Variants in MARCHF4 observed in about 807,000 individuals in gnomAD.
MARCHF4 encodes membrane associated ring-CH-type finger 4, also known as E3 ubiquitin-protein ligase MARCHF4.
In MARCHF4, 14 loss-of-function variants were observed where a neutral mutation model predicts 43.9. That is an observed-to-expected ratio of 0.32 (90% CI 0.21 to 0.50). The LOEUF (loss-of-function observed/expected upper bound fraction) is 0.50, where lower values mean the gene tolerates loss of function less well. MARCHF4 is among the 20% of genes least tolerant of loss of function. MARCHF4 has a pLI of 0.98. For missense variants in MARCHF4, 468 were observed against 536.7 expected (o/e 0.87, Z 1.27); for synonymous variants, 226 against 213.3 (o/e 1.06, Z -0.52).
intron 1 of MARCHF4, among the ~76,000 whole-genome samples, chr2:216,300,024 C>T (rs1469654223): frequency 1.3e-5 from 2 of 152,188 alleles, no homozygotes; most frequent in Non-Finnish European, 2.9e-5. Context: ...ATGTGGCTTA[C>T]TTCGGAGTCA....
rs529114485 is a variant in MARCHF4 at position 216,277,675 on chromosome 2, T to C, written c.862A>G (p.Ile288Val). The change falls in exon 3 of 4, where the codon ATA (isoleucine) becomes GTA (valine). Residue 288 changes from isoleucine to valine, a missense_variant. By Grantham distance (29) the Ile-to-Val change is conservative. Transcript: ENST00000273067. ...GGAGACAAACCCCCAGACCCACCTA[T>C]GCACACCACGTCCATGAAGCCATAC... ...GMYGFMDVVC[I>V]GLIIHEGPSV... The C allele has an allele frequency of 3.7e-6, 6 of 1,608,660 alleles. No individual in the cohort carries two copies. Among genetic ancestry groups the C allele is most frequent in the Non-Finnish European group, 5.1e-6 (6 of 1,175,886 alleles).
chr2:216,324,786 A>C (rs1574477743), intron 1 of MARCHF4, among the ~76,000 whole-genome samples: 1 of 114,852 alleles, frequency 8.7e-6, no homozygotes, highest in African/African-American at 4.0e-5. Context: ...AAAAACTCTC[A>C]ATAAATTAGG....
intron 1 of MARCHF4, among the ~76,000 whole-genome samples, chr2:216,355,361 AC>A (rs1056811243): frequency 4.0e-5 from 6 of 151,884 alleles, no homozygotes; most frequent in Admixed American, 2.6e-4. Flanking sequence ...ATCAGAATAA[AC>A]CCCCCATGTA....
chr2:216,296,210 G>A (rs1379598353), intron 1 of MARCHF4, among the ~76,000 whole-genome samples: 2 of 152,058 alleles, frequency 1.3e-5, no homozygotes, highest in East Asian at 1.9e-4. Context: ...CTCGAGCCTG[G>A]TGGCATGTGC....
chr2:216,269,243 TG>T (rs538476424), intron 3 of MARCHF4, among the ~76,000 whole-genome samples: 90 of 152,282 alleles, frequency 5.9e-4, no homozygotes, highest in Non-Finnish European at 1.1e-3. Context: ...GTTAAAAAAA[TG>T]TTTTTTTGGT....
Position 216,369,869 on chromosome 2 carries a change from A to T in MARCHF4, c.392T>A (p.Leu131His). Reference sequence around the variant, plus strand: ...GAAGTCATCTGAGGAGGCACTGCTGAGCAGCGAGGCAGGTGGCTCTGTGGC... The same window carrying T: ...GAAGTCATCTGAGGAGGCACTGCTGTGCAGCGAGGCAGGTGGCTCTGTGGC... Reference protein sequence around the residue: ...GPATEPPASLLSSASSDDFCK... With the variant: ...GPATEPPASLHSSASSDDFCK... Residue 131 changes from leucine (L) to histidine (H), a missense_variant, in exon 1 of 4, where the codon CTC (leucine) becomes CAC (histidine). Around this residue, in one of 3 missense-constraint regions of MARCHF4, gnomAD observed 158 missense variants for 251.1 expected, o/e 0.63. Transcript: ENST00000273067. The T allele has an allele frequency of 3.7e-6, 6 of 1,614,014 alleles. No homozygotes were observed. The highest frequency in any genetic ancestry group is 5.1e-6 in the Non-Finnish European group (6 of 1,180,028).
At chr2:216,279,016 A>T (rs1192904122) in intron 2 of MARCHF4, among the ~76,000 whole-genome samples, 1 of 152,214 alleles carries the variant, frequency 6.6e-6, no homozygotes, top group Non-Finnish European at 1.5e-5. Context: ...GAAAACAGAC[A>T]AGGTGCCTGC....
chr2:216,262,887 A>G (rs1320456249), intron 3 of MARCHF4, among the ~76,000 whole-genome samples: 1 of 152,264 alleles, frequency 6.6e-6, no homozygotes, highest in Non-Finnish European at 1.5e-5. Flanking sequence ...CTTTTATAAC[A>G]AAACAATATA....
intron 1 of MARCHF4, among the ~76,000 whole-genome samples, chr2:216,351,234 C>T (rs1250829152): frequency 6.6e-6 from 1 of 152,174 alleles, no homozygotes; most frequent in African/African-American, 2.4e-5. Flanking sequence ...CACTGCATGC[C>T]AGGCATCACC....
At chr2:216,318,930 A>T (rs1691831475) in intron 1 of MARCHF4, among the ~76,000 whole-genome samples, 1 of 152,180 alleles carries the variant, frequency 6.6e-6, no homozygotes, top group African/African-American at 2.4e-5. Flanking sequence ...AGGTAGGATT[A>T]TGGATTTTCT....
chr2:216,320,081 A>T (rs1019153161), intron 1 of MARCHF4, among the ~76,000 whole-genome samples: 1 of 152,174 alleles, frequency 6.6e-6, no homozygotes. Flanking sequence ...GTTAAAGGGA[A>T]AGTAAAAAAT....
intron 1 of MARCHF4, among the ~76,000 whole-genome samples, chr2:216,324,584 G>A (rs1254378132): frequency 4.0e-5 from 6 of 151,338 alleles, no homozygotes; most frequent in Admixed American, 2.6e-4. Flanking sequence ...CTGGCAAACC[G>A]AATCCAGCAG....
At chr2:216,318,148 G>A (rs1309580939) in intron 1 of MARCHF4, 7 of 152,222 alleles carry the variant, frequency 4.6e-5, no homozygotes, top group Non-Finnish European at 1.0e-4. Context: ...AGGTTCTGCA[G>A]GTTAGTGCCT....
rs185130456 is a variant in MARCHF4 at position 216,329,729 on chromosome 2, C to T, written c.516+40016G>A. Reference sequence around the variant, plus strand: ...GACTACTTCAATGAAAATACGAATACGGTCATGCTAGATAAAATATAAAAA... The same window carrying T: ...GACTACTTCAATGAAAATACGAATATGGTCATGCTAGATAAAATATAAAAA... On this transcript the variant is annotated intron_variant, in intron 1 of 3. Coordinates refer to ENST00000273067, the MANE Select transcript of MARCHF4 (RefSeq NM_020814.3). Among the ~76,000 whole-genome samples, 141 of 150,464 alleles carry T rather than the reference C, an allele frequency of 9.4e-4. 1 individual carries two copies. Among genetic ancestry groups the T allele is most frequent in the African/African-American group, 2.6e-3 (105 of 40,892 alleles).
At chr2:216,282,005 G>T (rs997907010) in intron 2 of MARCHF4, among the ~76,000 whole-genome samples, 1 of 152,170 alleles carries the variant, frequency 6.6e-6, no homozygotes, top group Non-Finnish European at 1.5e-5. Flanking sequence ...CATGAGTTTG[G>T]AATCTGATCC....
At chr2:216,269,060 T>C (rs1690892922) in intron 3 of MARCHF4, among the ~76,000 whole-genome samples, 1 of 152,206 alleles carries the variant, frequency 6.6e-6, no homozygotes, top group Non-Finnish European at 1.5e-5. Context: ...TCTATAATTT[T>C]GCTGATTACC....
chr2:216,318,287 C>T (rs1238634495), intron 1 of MARCHF4: 5 of 152,326 alleles, frequency 3.3e-5, no homozygotes, highest in Admixed American at 3.3e-4. Context: ...AGAAAGCATC[C>T]TTAAGCGGGC....
At chr2:216,353,269 C>A (rs936241494) in intron 1 of MARCHF4, among the ~76,000 whole-genome samples, 1 of 152,172 alleles carries the variant, frequency 6.6e-6, no homozygotes, top group African/African-American at 2.4e-5. Flanking sequence ...ACTAGAAAAT[C>A]AAATTAACCA....
intron 1 of MARCHF4, among the ~76,000 whole-genome samples, chr2:216,347,203 C>T (rs1342502029): frequency 6.6e-6 from 1 of 152,144 alleles, no homozygotes; most frequent in Non-Finnish European, 1.5e-5. Flanking sequence ...TGGTCTAATA[C>T]AGCAGCCTAT....
Sources: allele counts gnomAD v4.1 joint callset (sites outside exome capture counted in the v4.1 genomes callset), GRCh38; gene constraint gnomAD v4.1.1; regional missense constraint gnomAD v4.1.1; transcripts MANE v1.5; gene names NCBI Gene and HGNC (gene_info 2026-07-23, HGNC 2026-07-21).